The following SLC2A9 variants were observed in gnomAD, a reference collection of about 807,000 sequenced individuals.
The protein encoded by SLC2A9 is solute carrier family 2 member 9.
In SLC2A9, 39 loss-of-function variants were observed where a neutral mutation model predicts 50.6. That is an observed-to-expected ratio of 0.77 (90% CI 0.60 to 1.01). The LOEUF (loss-of-function observed/expected upper bound fraction) is 1.01. Ranked by LOEUF, SLC2A9 falls within the 50% of genes least tolerant of loss-of-function variation. The probability of loss-of-function intolerance (pLI) is 0.00; values close to 1 mark genes in which losing one functional copy is unlikely to be tolerated. For synonymous variants in SLC2A9, 324 were observed against 276.9 expected (o/e 1.17, Z -1.69); for missense variants, 686 against 677.6 (o/e 1.01, Z -0.14).
chr4:10,010,224 C>G (rs948129039), intron 2 of SLC2A9, among the ~76,000 whole-genome samples: 12 of 152,182 alleles, frequency 7.9e-5, no homozygotes, highest in African/African-American at 2.7e-4. Flanking sequence ...AACACTGAAG[C>G]TTGGGTGAGC....
At chr4:10,005,490 A>C (rs1227861695) in intron 2 of SLC2A9, among the ~76,000 whole-genome samples, 1 of 152,258 alleles carries the variant, frequency 6.6e-6, no homozygotes, top group Non-Finnish European at 1.5e-5. Flanking sequence ...TTTGTGGTTA[A>C]GAATGTTCTT....
chr4:10,002,631 T>G (rs1760042037), intron 2 of SLC2A9, among the ~76,000 whole-genome samples: 1 of 152,214 alleles, frequency 6.6e-6, no homozygotes. Context: ...GGCAGGCAGA[T>G]CACCTGAGGT....
chr4:9,978,601 A>C (rs1018616259), intron 5 of SLC2A9, among the ~76,000 whole-genome samples: 6 of 152,256 alleles, frequency 3.9e-5, no homozygotes, highest in Non-Finnish European at 8.8e-5. Context: ...AAAGCAAAAG[A>C]GTCTCTTTAG....
intron 4 of SLC2A9, among the ~76,000 whole-genome samples, chr4:9,985,160 T>A (rs1756500672): frequency 6.6e-6 from 1 of 152,140 alleles, no homozygotes; most frequent in Non-Finnish European, 1.5e-5. Context: ...CATGCTACTG[T>A]CTACCTTATG....
intron 10 of SLC2A9, chr4:9,879,445 G>C: frequency 3.0e-6 from 3 of 985,278 alleles, no homozygotes; most frequent in Non-Finnish European, 3.6e-6. Context: ...GCTCCAGATG[G>C]CTGCAGTGCA....
intron 5 of SLC2A9, among the ~76,000 whole-genome samples, chr4:9,972,183 CT>C (rs1754014096): frequency 6.6e-6 from 1 of 151,986 alleles, no homozygotes; most frequent in Non-Finnish European, 1.5e-5. Context: ...TATTTCTTTC[CT>C]TGAGAGGAAA....
chr4:9,879,411 T>TGGGGCAG, intron 10 of SLC2A9: 1 of 985,122 alleles, frequency 1.0e-6, no homozygotes, highest in Non-Finnish European at 1.2e-6. Flanking sequence ...TTTGTGCGTG[T>TGGGGCAG]GGGGCAGGGG....
chr4:9,841,624 T>A (rs1028057488), intron 10 of SLC2A9, among the ~76,000 whole-genome samples: 1 of 152,118 alleles, frequency 6.6e-6, no homozygotes, highest in African/African-American at 2.4e-5. Context: ...TGGGAAAATG[T>A]GGCAGGGGTG....
intron 5 of SLC2A9, among the ~76,000 whole-genome samples, chr4:9,961,057 G>T (rs1223083264): frequency 6.6e-6 from 1 of 152,192 alleles, no homozygotes; most frequent in Admixed American, 6.5e-5. Flanking sequence ...TCATTTTACA[G>T]AATCAGAAAC....
At chr4:9,879,488 A>G in intron 10 of SLC2A9, 1 of 985,314 alleles carries the variant, frequency 1.0e-6, no homozygotes, top group Non-Finnish European at 1.2e-6. Context: ...GAGGGCAGGC[A>G]GGGCAGGCAG....
Position 9,908,244 on chromosome 4 carries a change from G to A in SLC2A9, c.1104C>T (p.Ala368=), listed in dbSNP as rs749169614. The A allele has an allele frequency of 5.0e-6, 8 of 1,612,404 alleles. No homozygotes were observed. The highest frequency in any genetic ancestry group is 3.3e-5 in the Admixed American group (2 of 59,988). ...LSTGGIETLA[A]VFSGLVIEHL... is the part of the protein sequence containing the mutation. The stretch of plus-strand genomic sequence containing the variant: ...CCCTCAGTTGACTTACAGAGAAGAC[G>A]GCAGCCAAAGTCTCGATGCCCCCTG... The change falls in exon 8 of 12, where the codon GCC becomes GCT. Residue 368 remains alanine (A), a synonymous_variant. Transcript: ENST00000264784.
chr4:9,889,599 C>T (rs544897204), intron 9 of SLC2A9, among the ~76,000 whole-genome samples: 2 of 152,310 alleles, frequency 1.3e-5, no homozygotes, highest in African/African-American at 4.8e-5. Flanking sequence ...TTGCCAGCCC[C>T]ACCTCTTCAA....
intron 5 of SLC2A9, among the ~76,000 whole-genome samples, chr4:9,956,832 G>A (rs1359165889): frequency 1.3e-5 from 2 of 152,066 alleles, no homozygotes; most frequent in Non-Finnish European, 2.9e-5. Flanking sequence ...TTCCTTAAAC[G>A]TGGCAGTACA....
At position 9,869,470 on chromosome 4, in the gene SLC2A9, T is replaced by G. The variant is rs560528530; in HGVS notation, c.1291+18097A>C. ...TCCTGCCTCTGGCCCTGGGCTCCTG[T>G]GCTCCTCCTTCCTCTTACAATGCCC... On this transcript the variant is annotated intron_variant, in intron 10 of 11. Transcript: ENST00000264784. Among the ~76,000 whole-genome samples, 164 of 151,412 alleles carry G rather than the reference T, an allele frequency of 1.1e-3. 1 individual carries two copies. Among genetic ancestry groups the G allele is most frequent in the African/African-American group, 3.4e-3 (140 of 40,926 alleles).
intron 3 of SLC2A9, among the ~76,000 whole-genome samples, chr4:9,804,659 C>G (rs1721889546): frequency 6.6e-6 from 1 of 152,096 alleles, no homozygotes. Context: ...GCATTTTTTC[C>G]TATTATTGTG....
At position 9,837,543 on chromosome 4, in the gene SLC2A9, G is replaced by T. The variant is rs190712341; in HGVS notation, c.1292-2535C>A. Among the ~76,000 whole-genome samples the T allele has an allele frequency of 2.6e-5, 4 of 152,296 alleles. No homozygotes were observed. In the East Asian group the frequency reaches 7.7e-4, roughly 29 times the overall value. On this transcript the variant is annotated intron_variant, in intron 10 of 11. Coordinates refer to ENST00000264784, the MANE Select transcript of SLC2A9 (RefSeq NM_020041.3). The stretch of plus-strand genomic sequence containing the variant: ...TCTGAGGCTGGTACAATGGAATGCG[G>T]TACATCAATGTACAATGCAGTAGAA...
At chr4:9,873,218 T>C (rs1733739475) in intron 10 of SLC2A9, among the ~76,000 whole-genome samples, 1 of 151,884 alleles carries the variant, frequency 6.6e-6, no homozygotes, top group African/African-American at 2.4e-5. Context: ...TGCATGTGAG[T>C]GTGTGTGTTT....
chr4:10,019,233 T>G, intron 1 of SLC2A9, 160 bp from the exon 2 acceptor site: 1 of 651,314 alleles, frequency 1.5e-6, no homozygotes, highest in Admixed American at 2.6e-5. Context: ...GTTGGGGACC[T>G]GCAAGTAGGG....
intron 3 of SLC2A9, chr4:9,782,435 G>T (rs1718567408): frequency 2.5e-6 from 4 of 1,613,904 alleles, no homozygotes; most frequent in Non-Finnish European, 3.4e-6. Context: ...CGTCATCAGC[G>T]TGGACCGCTA....
Sources: allele counts gnomAD v4.1 joint callset (sites outside exome capture counted in the v4.1 genomes callset), GRCh38; gene constraint gnomAD v4.1.1; transcripts MANE v1.5; gene names NCBI Gene and HGNC (gene_info 2026-07-23, HGNC 2026-07-21).